The following KCNMA1 variants were observed in gnomAD, a reference collection of about 807,000 sequenced individuals.
KCNMA1 encodes the protein Calcium-activated potassium channel subunit alpha-1.
In KCNMA1, 29 loss-of-function variants were observed where a neutral mutation model predicts 140.0. That is an observed-to-expected ratio of 0.21 (90% CI 0.15 to 0.28). The LOEUF is 0.28. KCNMA1 is among the 10% of genes least tolerant of loss of function. The pLI is 1.00. For missense variants in KCNMA1, 880 were observed against 1,602.2 expected, an observed-to-expected ratio of 0.55 and a Z score of 7.70; for synonymous variants, 612 against 611.9, an observed-to-expected ratio of 1.00 and a Z score of 0.00.
chr10:77,391,553 A>T (rs1424329327), intron 2 of KCNMA1, among the ~76,000 whole-genome samples: 1 of 152,184 alleles, frequency 6.6e-6, no homozygotes, highest in Non-Finnish European at 1.5e-5. Context: ...TAGTTTTTAC[A>T]ATAAAAATTT....
At chr10:77,475,933 A>T (rs566540543) in intron 1 of KCNMA1, among the ~76,000 whole-genome samples, 3 of 152,148 alleles carry the variant, frequency 2.0e-5, no homozygotes, top group Non-Finnish European at 4.4e-5. Flanking sequence ...TTTTTCATAG[A>T]CCATCCTGCC....
chr10:77,581,720 C>T (rs927371982), intron 1 of KCNMA1, among the ~76,000 whole-genome samples: 1 of 152,230 alleles, frequency 6.6e-6, no homozygotes, highest in African/African-American at 2.4e-5. Flanking sequence ...AAGCACCTTT[C>T]CTCTCTCGGC....
chr10:77,333,401 A>AAAG (rs1462273823), intron 2 of KCNMA1, among the ~76,000 whole-genome samples: 7 of 7,540 alleles, frequency 9.3e-4, no homozygotes, highest in African/African-American at 5.1e-3. Flanking sequence ...AGAAAGAAAG[A>AAAG]AAAGAAAAGA....
chr10:77,168,001 G>T (rs1378898573), intron 5 of KCNMA1, among the ~76,000 whole-genome samples: 1 of 152,094 alleles, frequency 6.6e-6, no homozygotes, highest in African/African-American at 2.4e-5. Flanking sequence ...CGCTTTCAGG[G>T]TCACTTGCTT....
At chr10:77,483,005 C>T (rs1053111824) in intron 1 of KCNMA1, among the ~76,000 whole-genome samples, 9 of 57,410 alleles carry the variant, frequency 1.6e-4, no homozygotes, top group Admixed American at 1.4e-3. Context: ...CACACACACA[C>T]ACACACACAC....
chr10:77,318,665 T>A (rs2081514275), intron 2 of KCNMA1, among the ~76,000 whole-genome samples: 2 of 152,148 alleles, frequency 1.3e-5, no homozygotes, highest in South Asian at 4.1e-4. Context: ...CCTACTCACG[T>A]CCTAGAAGAT....
At chr10:77,094,267 C>T (rs749979003) in intron 9 of KCNMA1, among the ~76,000 whole-genome samples, 1 of 152,170 alleles carries the variant, frequency 6.6e-6, no homozygotes, top group Non-Finnish European at 1.5e-5. Flanking sequence ...ATATGCCTGG[C>T]ATCCCACAGC....
At chr10:76,878,292 T>A (rs1205861141) in intron 29 of KCNMA1, among the ~76,000 whole-genome samples, 1 of 152,134 alleles carries the variant, frequency 6.6e-6, no homozygotes, top group Admixed American at 6.5e-5. Context: ...CATCCATTGA[T>A]TTGAGTGGAA....
At chr10:77,149,375 T>C (rs1388007647) in intron 5 of KCNMA1, among the ~76,000 whole-genome samples, 2 of 152,260 alleles carry the variant, frequency 1.3e-5, no homozygotes. Flanking sequence ...AAGTCTCATT[T>C]TGTAATTCTA....
At chr10:76,989,916 T>C (rs1302308988) in intron 19 of KCNMA1, among the ~76,000 whole-genome samples, 2 of 152,208 alleles carry the variant, frequency 1.3e-5, no homozygotes, top group Admixed American at 1.3e-4. Context: ...TCATCCGCTA[T>C]GTGATCTTGG....
chr10:76,970,113 G>A, intron 19 of KCNMA1, 46 bp from the exon 20 acceptor site: 2 of 1,462,642 alleles, frequency 1.4e-6, no homozygotes, highest in Non-Finnish European at 1.9e-6. Flanking sequence ...TTTGAGGGCA[G>A]ACTGTGCAAT....
intron 2 of KCNMA1, among the ~76,000 whole-genome samples, chr10:77,323,102 T>A (rs968111005): frequency 1.3e-5 from 2 of 152,180 alleles, no homozygotes; most frequent in African/African-American, 4.8e-5. Context: ...ATCCTCATTT[T>A]AAAAAAGGGA....
At chr10:77,260,038 T>G (rs982720772) in intron 2 of KCNMA1, among the ~76,000 whole-genome samples, 5 of 152,208 alleles carry the variant, frequency 3.3e-5, no homozygotes, top group Admixed American at 6.5e-5. Flanking sequence ...TTACCCTCAC[T>G]GAGTGAGACC....
At chr10:76,887,691 CT>C in intron 27 of KCNMA1, 176 bp from the exon 28 acceptor site, 1 of 711,464 alleles carries the variant, frequency 1.4e-6, no homozygotes, top group Non-Finnish European at 2.3e-6. Flanking sequence ...GAAACTTCCT[CT>C]GTTTAACTCA....
At chr10:77,243,912 C>T (rs2057945137) in intron 3 of KCNMA1, among the ~76,000 whole-genome samples, 1 of 152,112 alleles carries the variant, frequency 6.6e-6, no homozygotes, top group Admixed American at 6.5e-5. Flanking sequence ...AGGCCTCTCA[C>T]CAGTGAGGAT....
At chr10:77,022,979 C>T in intron 16 of KCNMA1, 1 of 454,900 alleles carries the variant, frequency 2.2e-6, no homozygotes, top group Non-Finnish European at 4.4e-6. Flanking sequence ...GAAAGCAAAA[C>T]TTCAAAGAGA....
chr10:77,064,713 C>T (rs1035817258), intron 14 of KCNMA1, among the ~76,000 whole-genome samples: 4 of 152,218 alleles, frequency 2.6e-5, no homozygotes, highest in African/African-American at 9.7e-5. Flanking sequence ...ATGGAAGCCT[C>T]TGATCTAATG....
At chr10:77,512,999 T>TC (rs1326494631) in intron 1 of KCNMA1, among the ~76,000 whole-genome samples, 1 of 152,118 alleles carries the variant, frequency 6.6e-6, no homozygotes, top group Non-Finnish European at 1.5e-5. Flanking sequence ...GTTAACCAGA[T>TC]CACACGCGTG....
At chr10:77,591,469 C>T (rs992745187) in intron 1 of KCNMA1, among the ~76,000 whole-genome samples, 1 of 152,102 alleles carries the variant, frequency 6.6e-6, no homozygotes, top group African/African-American at 2.4e-5. Context: ...GTTGCGAGAC[C>T]AGCATCATCA....
Sources: gnomAD v4.1 joint callset for allele counts (sites outside exome capture counted in the v4.1 genomes callset) on GRCh38, gnomAD v4.1.1 for gene constraint, MANE v1.5 for transcripts, NCBI Gene and HGNC (gene_info 2026-07-23, HGNC 2026-07-21) for gene names.